The following TCF20 variants were observed in gnomAD, a reference collection of about 807,000 sequenced individuals.
TCF20 encodes the protein SPRE-binding protein.
Under a neutral mutation model 148.6 loss-of-function variants are expected in TCF20, and 3 were observed. The ratio of observed to expected loss-of-function variants is 0.02; its 90% CI spans 0.01 to 0.05. TCF20 has a LOEUF of 0.05. Among genes scored for constraint, TCF20 ranks in the 10% least tolerant of loss-of-function variants. The probability of loss-of-function intolerance (pLI) is 1.00; values close to 1 mark genes in which losing one functional copy is unlikely to be tolerated. For synonymous variants in TCF20, 1,049 were observed against 909.5 expected (o/e 1.15, Z -2.76); for missense variants, 2,350 against 2,429.3 (o/e 0.97, Z 0.69).
intron 1 of TCF20, among the ~76,000 whole-genome samples, chr22:42,319,565 C>G (rs552686673): frequency 6.6e-6 from 1 of 152,192 alleles, no homozygotes; most frequent in African/African-American, 2.4e-5. Context: ...ATTATTTGAG[C>G]CCACAGAATC....
chr22:42,164,722 G>C (rs986284477), intron 5 of TCF20, among the ~76,000 whole-genome samples: 16 of 152,218 alleles, frequency 1.1e-4, no homozygotes, highest in Non-Finnish European at 1.9e-4. Flanking sequence ...AGCGAGGAGG[G>C]GGGCAATGGA....
chr22:42,161,360 T>C lies in TCF20; in HGVS notation c.*45-2A>G. On this transcript the variant is annotated splice_acceptor_variant, in intron 5 of 5. Coordinates refer to ENST00000677622, the MANE Select transcript of TCF20 (RefSeq NM_001378418.1). LOFTEE classifies it low-confidence loss of function (3UTR_SPLICE). ...ACCTTCTCATCTCCACAGTCTCACC[T>C]GGAAGACAAGGGACACACAGTGAAG... is the stretch of plus-strand genomic sequence containing the variant. The C allele has an allele frequency of 6.2e-7, 1 of 1,614,104 alleles. No individual in the cohort carries two copies. The highest frequency in any genetic ancestry group is 8.5e-7 in the Non-Finnish European group (1 of 1,179,982).
rs1206029173 is a variant in TCF20 at position 42,210,070 on chromosome 22, G to C, written c.5236C>G (p.Gln1746Glu). The C allele has an allele frequency of 1.2e-6, 2 of 1,613,638 alleles. No homozygotes were observed. The highest frequency in any genetic ancestry group is 1.7e-6 in the Non-Finnish European group (2 of 1,180,026). Residue 1746 changes from glutamine (Q) to glutamate (E), a missense_variant, in exon 2 of 6, where the codon CAG becomes GAG. Gln to Glu is a conservative substitution (Grantham distance 29). This residue lies in a region of TCF20 where 374 missense variants were observed against 398.3 expected (regional missense o/e 0.94). Coordinates refer to ENST00000677622, the MANE Select transcript of TCF20 (RefSeq NM_001378418.1). This position sits in a 1 kb window ranked among gnomAD's most constrained non-coding sequence, Gnocchi z 4.7. ...NPPPKRATEM[Q>E]SKVKVRHKSA... ...TTGTGCCGTACCTTAACTTTGCTCTGCATTTCTGTGGCCCTCTTAGGAGGT... is the reference window on the plus strand; with the variant it reads ...TTGTGCCGTACCTTAACTTTGCTCTCCATTTCTGTGGCCCTCTTAGGAGGT...
Position 42,335,059 on chromosome 22 carries a change from T to C in TCF20, c.-37+8420A>G, listed in dbSNP as rs189975155. 3.3e-5 allele frequency among the ~76,000 whole-genome samples: 5 copies of C among 152,048 alleles called. No homozygotes were observed. In the East Asian group the frequency reaches 9.7e-4, roughly 29 times the overall value. On this transcript the variant is annotated intron_variant, in intron 1 of 1. Transcript: ENST00000515426. ...AGCCTGACTTTCGTTCTGCATACGCTCCTGGGACCTGGGCTCCACAGAGAC... is the reference window on the plus strand; with the variant it reads ...AGCCTGACTTTCGTTCTGCATACGCCCCTGGGACCTGGGCTCCACAGAGAC...
chr22:42,199,476 T>G (rs985173044), intron 2 of TCF20, among the ~76,000 whole-genome samples: 3 of 152,108 alleles, frequency 2.0e-5, no homozygotes, highest in Non-Finnish European at 4.4e-5. Context: ...GAGGTTTTCT[T>G]CAGGCCCATA....
intron 3 of TCF20, among the ~76,000 whole-genome samples, chr22:42,177,194 C>T (rs1936504168): frequency 6.6e-6 from 1 of 152,098 alleles, no homozygotes; most frequent in Non-Finnish European, 1.5e-5. Context: ...GTGGGTGGAT[C>T]ACCTGAGGTC....
Position 42,170,233 on chromosome 22 carries a change from T to TCA in TCF20, c.5750-339_5750-338dup, listed in dbSNP as rs570580460. Among the ~76,000 whole-genome samples the TCA allele has an allele frequency of 4.2e-4, 63 of 151,526 alleles. 1 individual carries two copies. The East Asian group carries it at 0.012, about 29-fold the overall frequency. On this transcript the variant is annotated intron_variant, in intron 3 of 5. Coordinates refer to ENST00000677622, the MANE Select transcript of TCF20 (RefSeq NM_001378418.1). The stretch of plus-strand genomic sequence containing the variant: ...AAGACTTGGGGCTGGGTACCATGGC[T>TCA]CACACCTGTAATCCCAGCACTTTGG...
chr22:42,210,017 G>A lies in TCF20; in HGVS notation c.5289C>T (p.Asp1763=). 1 of 1,612,782 alleles carries A rather than the reference G, an allele frequency of 6.2e-7. No homozygotes were observed. The stretch of plus-strand genomic sequence containing the variant: ...GCTGCTGCTCTTCCTCCTCCTCAGT[G>A]TCCGTCTTGGAGCCATTAGAAGCAC... ...HKSASNGSKT[D]TEEEEEQQQQ... is the part of the protein sequence containing the mutation. The change falls in exon 2 of 6, where the codon GAC becomes GAT. Residue 1763 remains aspartate (D), a synonymous_variant. Coordinates refer to ENST00000677622, the MANE Select transcript of TCF20 (RefSeq NM_001378418.1). This position sits in a 1 kb window ranked among gnomAD's most constrained non-coding sequence, Gnocchi z 4.7.
At chr22:42,192,598 C>T (rs1361121955) in intron 2 of TCF20, among the ~76,000 whole-genome samples, 16 of 152,248 alleles carry the variant, frequency 1.1e-4, no homozygotes, top group Admixed American at 7.9e-4. Context: ...CTTTCAAAAA[C>T]GAGGATATCT....
intron 1 of TCF20, among the ~76,000 whole-genome samples, chr22:42,236,402 T>C (rs1200242928): frequency 2.0e-5 from 3 of 152,104 alleles, no homozygotes; most frequent in Admixed American, 2.0e-4. Flanking sequence ...CAGGGTTAAA[T>C]CCTCATCAAT....
chr22:42,174,480 TGAACACA>T (rs1257186264), intron 3 of TCF20, among the ~76,000 whole-genome samples: 1 of 152,178 alleles, frequency 6.6e-6, no homozygotes, highest in Non-Finnish European at 1.5e-5. Context: ...AATGTGTCCC[TGAACACA>T]GCCTCAGTGG....
chr22:42,173,814 A>T (rs1936279224), intron 3 of TCF20, among the ~76,000 whole-genome samples: 1 of 152,182 alleles, frequency 6.6e-6, no homozygotes, highest in Admixed American at 6.5e-5. Context: ...CACATGAAGG[A>T]GCAAAGTGCA....
At chr22:42,238,254 A>G (rs541235306) in intron 1 of TCF20, among the ~76,000 whole-genome samples, 1 of 152,234 alleles carries the variant, frequency 6.6e-6, no homozygotes, top group African/African-American at 2.4e-5. Context: ...AATCTGTGCT[A>G]GCTTCAAACT....
intron 1 of TCF20, among the ~76,000 whole-genome samples, chr22:42,295,024 A>C (rs1467807580): frequency 6.6e-6 from 1 of 152,188 alleles, no homozygotes; most frequent in Non-Finnish European, 1.5e-5. Flanking sequence ...GGTTGGGCCC[A>C]CCTGGAACAC....
At chr22:42,341,679 A>G (rs1358335878) in intron 1 of TCF20, among the ~76,000 whole-genome samples, 1 of 151,316 alleles carries the variant, frequency 6.6e-6, no homozygotes, top group Non-Finnish European at 1.5e-5. Context: ...TTCATTCCTC[A>G]AAGACCTGTG....
chr22:42,281,390 G>C (rs1394443923), intron 1 of TCF20, among the ~76,000 whole-genome samples: 2 of 152,172 alleles, frequency 1.3e-5, no homozygotes, highest in Non-Finnish European at 2.9e-5. Context: ...TCTGTCATCA[G>C]GTCAGGTTCT....
At chr22:42,218,089 G>T (rs975206866) in intron 1 of TCF20, among the ~76,000 whole-genome samples, 3 of 152,214 alleles carry the variant, frequency 2.0e-5, no homozygotes, top group Admixed American at 1.3e-4. Flanking sequence ...AAATGGTGAT[G>T]ATGCTGCTTG....
intron 3 of TCF20, among the ~76,000 whole-genome samples, chr22:42,170,919 C>A (rs1936096323): frequency 6.6e-6 from 1 of 152,048 alleles, no homozygotes; most frequent in African/African-American, 2.4e-5. Flanking sequence ...GCCCAAGAGC[C>A]CCACTGTCAC....
Position 42,212,419 on chromosome 22 carries a change from C to T in TCF20, c.2887G>A (p.Gly963Ser), listed in dbSNP as rs200854743. Residue 963 changes from glycine to serine, a missense_variant, in exon 2 of 6, where the codon GGC (glycine) becomes AGC (serine). By Grantham distance (56) the Gly-to-Ser change is moderately conservative. Coordinates refer to ENST00000677622, the MANE Select transcript of TCF20 (RefSeq NM_001378418.1). ...GTTGCTGCTCCAGGGCTGGCATTGC[C>T]GCGGTAAGACTCATGCTTGATGCTA... is the stretch of plus-strand genomic sequence containing the variant. ...PPSIKHESYR[G>S]NASPGAATHD... 62 of 1,614,210 alleles carry T rather than the reference C, an allele frequency of 3.8e-5. No individual in the cohort carries two copies. Among genetic ancestry groups the T allele is most frequent in the Admixed American group, 2.3e-4 (14 of 60,028 alleles).
Sources: allele counts gnomAD v4.1 joint callset (sites outside exome capture counted in the v4.1 genomes callset), GRCh38; gene constraint gnomAD v4.1.1; regional missense constraint gnomAD v4.1.1; non-coding constraint Gnocchi (gnomAD v3.1); transcripts MANE v1.5; gene names NCBI Gene and HGNC (gene_info 2026-07-23, HGNC 2026-07-21).